SRF: variants seen among roughly 807,000 people sequenced by gnomAD.
SRF encodes the protein c-fos serum response element-binding transcription factor.
A neutral mutation model predicts 37.1 loss-of-function variants in SRF; 7 were observed. The observed-to-expected ratio is 0.19, with a 90% CI of 0.11 to 0.35. SRF has a LOEUF of 0.35. SRF is among the 10% of genes least tolerant of loss of function. The pLI is 1.00. For synonymous variants in SRF, 285 were observed against 310.1 expected, an observed-to-expected ratio of 0.92 and a Z score of 0.85; for missense variants, 395 against 694.4, an observed-to-expected ratio of 0.57 and a Z score of 4.85.
Position 43,178,576 on chromosome 6 carries a change from C to T in SRF, c.1354+91C>T. ...ACATACACACACATATGCACTGATG[C>T]CTACAAATATTTCTACCCAAATACA... On this transcript the variant is annotated intron_variant, in intron 5 of 6. Transcript: ENST00000265354. This position sits in a 1 kb window ranked among gnomAD's most constrained non-coding sequence, Gnocchi z 4.3. The T allele has an allele frequency of 2.8e-6, 4 of 1,453,720 alleles. No homozygotes were observed. The highest frequency in any genetic ancestry group is 2.8e-6 in the Non-Finnish European group (3 of 1,062,508). The allele number at this position is 1,453,720 out of a possible 1,614,324, so 90.1% of individuals were successfully genotyped here.
Position 43,178,430 on chromosome 6 carries a change from C to T in SRF, c.1299C>T (p.Ala433=). The T allele has an allele frequency of 6.2e-7, 1 of 1,614,168 alleles. No homozygotes were observed. The highest frequency in any genetic ancestry group is 2.2e-5 in the East Asian group (1 of 44,886). The change falls in exon 5 of 7, where the codon GCC becomes GCT. Residue 433 remains alanine (A), a synonymous_variant. Coordinates refer to ENST00000265354, the MANE Select transcript of SRF (RefSeq NM_003131.4). This position sits in a 1 kb window ranked among gnomAD's most constrained non-coding sequence, Gnocchi z 4.3. ...ATGGCAGCCTCACCGTGCTGAATGC[C>T]TTCTCCCAGGCACCATCCACCATGC... ...LGDGSLTVLN[A]FSQAPSTMQV...
Sources: allele counts gnomAD v4.1 joint callset, GRCh38; gene constraint gnomAD v4.1.1; non-coding constraint Gnocchi (gnomAD v3.1); transcripts MANE v1.5; gene names NCBI Gene and HGNC (gene_info 2026-07-23, HGNC 2026-07-21).